Variants in TMEM181 observed in about 807,000 individuals in gnomAD.
The protein encoded by TMEM181 is G protein-coupled receptor 178.
TMEM181 carries 39 observed loss-of-function variants against 71.9 expected under a neutral mutation model. The ratio of observed to expected loss-of-function variants is 0.54; its 90% CI spans 0.42 to 0.71. The LOEUF is 0.71. Ranked by LOEUF, TMEM181 falls within the 30% of genes least tolerant of loss-of-function variation. The pLI is 0.00. For missense variants in TMEM181, 595 were observed against 583.0 expected, an observed-to-expected ratio of 1.02 and a Z score of -0.21; for synonymous variants, 245 against 228.8, an observed-to-expected ratio of 1.07 and a Z score of -0.64.
At chr6:158,541,887 T>A (rs970463209) in intron 1 of TMEM181, among the ~76,000 whole-genome samples, 1 of 148,706 alleles carries the variant, frequency 6.7e-6, no homozygotes, top group Non-Finnish European at 1.5e-5. Flanking sequence ...CTGATGAGAC[T>A]GGGATTTTAT....
intron 6 of TMEM181, among the ~76,000 whole-genome samples, chr6:158,592,001 G>A (rs1202177120): frequency 5.3e-5 from 8 of 152,168 alleles, no homozygotes; most frequent in Non-Finnish European, 1.0e-4. Context: ...TTCAAAAGAC[G>A]TTACCATGGG....
upstream of TMEM181, among the ~76,000 whole-genome samples, chr6:158,557,949 T>C (rs1781964881): frequency 6.6e-6 from 1 of 152,188 alleles, no homozygotes; most frequent in African/African-American, 2.4e-5. Flanking sequence ...CCATTAATGT[T>C]TGAAGAACAA....
chr6:158,597,444 G>A (rs1304661578), intron 6 of TMEM181, among the ~76,000 whole-genome samples: 2 of 152,094 alleles, frequency 1.3e-5, no homozygotes, highest in Non-Finnish European at 2.9e-5. Context: ...TGTATCCTCT[G>A]GAAAGGACAC....
intron 6 of TMEM181, among the ~76,000 whole-genome samples, chr6:158,596,376 C>T (rs1380805319): frequency 6.6e-6 from 1 of 152,220 alleles, no homozygotes; most frequent in African/African-American, 2.4e-5. Flanking sequence ...TGTACTGACA[C>T]AATCAACCTT....
chr6:158,631,353 C>G lies in TMEM181; in HGVS notation c.1313C>G (p.Ser438Cys), dbSNP rs1036989714. Reference sequence around the variant, plus strand: ...CAGCTGAAAGACAATCCTGCCTTCTCCATGCTGAATGACTCGGATGATGAT... The same window carrying G: ...CAGCTGAAAGACAATCCTGCCTTCTGCATGCTGAATGACTCGGATGATGAT... The part of the protein sequence containing the change: ...ESQLKDNPAF[S>C]MLNDSDDDVI... The change falls in exon 16 of 17, where the codon TCC (serine) becomes TGC (cysteine). Residue 438 changes from serine to cysteine, a missense_variant. Coordinates refer to ENST00000684151, the MANE Select transcript of TMEM181 (RefSeq NM_001376852.1). The G allele has an allele frequency of 2.5e-6, 4 of 1,614,230 alleles. No individual in the cohort carries two copies. The African/African-American group carries it at 4.0e-5, about 16-fold the overall frequency.
chr6:158,587,849 T>C (rs951598689), intron 5 of TMEM181, among the ~76,000 whole-genome samples: 1 of 152,190 alleles, frequency 6.6e-6, no homozygotes, highest in African/African-American at 2.4e-5. Flanking sequence ...TACAGCTCTT[T>C]TGTTAATTAA....
chr6:158,617,332 CCCTT>C (rs1785674654), intron 10 of TMEM181, among the ~76,000 whole-genome samples: 3 of 151,702 alleles, frequency 2.0e-5, no homozygotes, highest in Non-Finnish European at 4.4e-5. Context: ...TGGTGATATC[CCCTT>C]CATCATTTTT....
At chr6:158,569,869 T>C (rs553496213) in intron 1 of TMEM181, among the ~76,000 whole-genome samples, 1 of 152,100 alleles carries the variant, frequency 6.6e-6, no homozygotes, top group South Asian at 2.1e-4. Context: ...CCATGCCCTT[T>C]CTGGGATTGC....
chr6:158,628,566 C>A lies in TMEM181; in HGVS notation c.1192+76C>A, dbSNP rs543992247. Reference sequence around the variant, plus strand: ...CAGCAGTTAGTGGCTCAGATTTGCCCCTCTCAAGAGGAGACAGGTCAGCTC... The same window carrying A: ...CAGCAGTTAGTGGCTCAGATTTGCCACTCTCAAGAGGAGACAGGTCAGCTC... On this transcript the variant is annotated intron_variant, in intron 14 of 16. Coordinates refer to ENST00000684151, the MANE Select transcript of TMEM181 (RefSeq NM_001376852.1). 40 of 1,369,416 alleles carry A rather than the reference C, an allele frequency of 2.9e-5. No individual in the cohort carries two copies. In the African/African-American group the frequency reaches 3.0e-4, roughly 10 times the overall value. 84.8% of individuals were successfully genotyped at this position (1,369,416 alleles called of 1,614,324 possible).
intron 4 of TMEM181, among the ~76,000 whole-genome samples, 154 bp downstream of exon 4, chr6:158,584,198 C>G (rs142421361): frequency 3.2e-3 from 493 of 152,350 alleles, no homozygotes; most frequent in African/African-American, 0.011. Flanking sequence ...TTGGAAACCC[C>G]TTAAATGTCT....
intron 11 of TMEM181, among the ~76,000 whole-genome samples, chr6:158,624,812 C>T (rs1182795271): frequency 6.6e-6 from 1 of 152,222 alleles, no homozygotes; most frequent in South Asian, 2.1e-4. Flanking sequence ...ATAGTGGCCA[C>T]CGCAGTCTGA....
chr6:158,547,054 G>C (rs970315371), intron 1 of TMEM181, among the ~76,000 whole-genome samples: 2 of 152,166 alleles, frequency 1.3e-5, no homozygotes, highest in African/African-American at 2.4e-5. Context: ...GGCTGAGGTG[G>C]GCAGATCACT....
At chr6:158,579,522 C>G (rs1562632307) in intron 2 of TMEM181, among the ~76,000 whole-genome samples, 1 of 138,982 alleles carries the variant, frequency 7.2e-6, no homozygotes, top group South Asian at 2.2e-4. Flanking sequence ...GAGTTCAAGA[C>G]CAGCCTGGCC....
chr6:158,556,236 A>T (rs1435292382), upstream of TMEM181, among the ~76,000 whole-genome samples: 2 of 152,202 alleles, frequency 1.3e-5, no homozygotes, highest in Non-Finnish European at 2.9e-5. Context: ...GGCCTGAGAG[A>T]AGAGTCGCCT....
chr6:158,600,950 G>GT (rs1445830294), intron 6 of TMEM181, among the ~76,000 whole-genome samples: 2 of 152,016 alleles, frequency 1.3e-5, no homozygotes, highest in East Asian at 3.9e-4. Flanking sequence ...CGTATTTTGT[G>GT]TTTTTTTCTG....
chr6:158,581,865 G>A (rs772234986), intron 3 of TMEM181, among the ~76,000 whole-genome samples: 17 of 151,440 alleles, frequency 1.1e-4, no homozygotes, highest in Non-Finnish European at 2.1e-4. Context: ...ACCTGTGAGA[G>A]CCCAGACAAC....
At chr6:158,558,375 G>A (rs928365082), upstream of TMEM181, among the ~76,000 whole-genome samples, 1 of 152,178 alleles carries the variant, frequency 6.6e-6, no homozygotes, top group Non-Finnish European at 1.5e-5. Context: ...CAGAAGTGTC[G>A]AAAGACAAAA....
rs1562627109 is a variant in TMEM181 at position 158,571,379 on chromosome 6, ATCTGCCCGCCTTGGCCTTG to A, written c.9-2039_9-2021del. On this transcript the variant is annotated intron_variant, in intron 1 of 16. Coordinates refer to ENST00000684151, the MANE Select transcript of TMEM181 (RefSeq NM_001376852.1). ...CCAAAGTGCTGGGATTATAGGCGTG[ATCTGCCCGCCTTGGCCTTG>A]TGATCTGCCCGCCTTGGCCTCCCAA... Among the ~76,000 whole-genome samples the A allele has an allele frequency of 4.8e-4, 62 of 129,488 alleles. 8 individuals carry two copies. Among genetic ancestry groups the A allele is most frequent in the Middle Eastern group, 4.2e-3 (1 of 238 alleles). The allele number at this position is 129,488 out of a possible 152,430, so 84.9% of individuals were successfully genotyped here. A position where few individuals can be genotyped will look rare whatever the true frequency, so the allele number is the denominator to read the frequency against.
chr6:158,578,498 A>C (rs993475850), intron 2 of TMEM181, among the ~76,000 whole-genome samples: 1 of 152,238 alleles, frequency 6.6e-6, no homozygotes, highest in African/African-American at 2.4e-5. Context: ...TAATGCATTA[A>C]AACTTATTTT....
Sources: gnomAD v4.1 joint callset for allele counts (sites outside exome capture counted in the v4.1 genomes callset) on GRCh38, gnomAD v4.1.1 for gene constraint, MANE v1.5 for transcripts, NCBI Gene and HGNC (gene_info 2026-07-23, HGNC 2026-07-21) for gene names.